The following SUMF1 variants were observed in gnomAD, a reference collection of about 807,000 sequenced individuals.
SUMF1 encodes formylglycine-generating enzyme.
In SUMF1, 48 loss-of-function variants were observed where a neutral mutation model predicts 47.6. The observed-to-expected ratio is 1.01, with a 90% CI of 0.80 to 1.28. The LOEUF (loss-of-function observed/expected upper bound fraction) is 1.28, where lower values mean the gene tolerates loss of function less well. Among genes scored for constraint, SUMF1 ranks in the 50% most tolerant of loss-of-function variants. SUMF1 has a pLI of 0.00. For synonymous variants in SUMF1, 230 were observed against 192.1 expected (o/e 1.20, Z -1.63); for missense variants, 571 against 485.4 (o/e 1.18, Z -1.66).
At chr3:4,246,229 A>G (rs1365533140) in intron 8 of SUMF1, among the ~76,000 whole-genome samples, 2 of 151,832 alleles carry the variant, frequency 1.3e-5, no homozygotes, top group African/African-American at 4.8e-5. Flanking sequence ...GTGAGGTGAC[A>G]CCCCGCCCTG....
intron 8 of SUMF1, among the ~76,000 whole-genome samples, chr3:4,085,583 A>T (rs636955): frequency 2.6e-5 from 4 of 151,978 alleles, no homozygotes; most frequent in Non-Finnish European, 5.9e-5. Flanking sequence ...AGTCAGTCTT[A>T]AAGTATTGAG....
At chr3:4,186,157 C>G (rs899698603) in intron 8 of SUMF1, among the ~76,000 whole-genome samples, 1 of 152,010 alleles carries the variant, frequency 6.6e-6, no homozygotes, top group Non-Finnish European at 1.5e-5. Context: ...TCCTTGGTAC[C>G]AAGACATAAA....
intron 8 of SUMF1, among the ~76,000 whole-genome samples, chr3:4,179,836 C>G (rs943389778): frequency 6.6e-6 from 1 of 152,040 alleles, no homozygotes; most frequent in African/African-American, 2.4e-5. Flanking sequence ...TGAACTCAAA[C>G]AAATTTACAA....
At chr3:4,303,596 C>A (rs1364693538) in intron 8 of SUMF1, 5 of 1,375,694 alleles carry the variant, frequency 3.6e-6, no homozygotes, top group South Asian at 1.7e-5. Flanking sequence ...CAAGCCGCCT[C>A]GCTGGGACGG....
intron 8 of SUMF1, among the ~76,000 whole-genome samples, chr3:4,224,196 G>A (rs905698056): frequency 1.1e-4 from 16 of 152,082 alleles, no homozygotes. Flanking sequence ...GCAGATTGGT[G>A]CAGATAAAGT....
intron 3 of SUMF1, among the ~76,000 whole-genome samples, chr3:4,443,822 A>C (rs1702688335): frequency 6.6e-6 from 1 of 152,184 alleles, no homozygotes; most frequent in Non-Finnish European, 1.5e-5. Flanking sequence ...AGTGATAAAC[A>C]CTGAAAATGG....
chr3:4,143,357 T>C (rs895140649), intron 8 of SUMF1, among the ~76,000 whole-genome samples: 7 of 152,156 alleles, frequency 4.6e-5, no homozygotes, highest in African/African-American at 1.7e-4. Context: ...TTTTCCCAGG[T>C]AACCCTCACT....
At chr3:4,096,857 G>A (rs981607427) in intron 8 of SUMF1, among the ~76,000 whole-genome samples, 3 of 152,064 alleles carry the variant, frequency 2.0e-5, no homozygotes, top group African/African-American at 7.2e-5. Context: ...TTCTAATTGA[G>A]TCCTGTTATG....
At chr3:4,405,291 GTGGA>G (rs766970766) in intron 7 of SUMF1, among the ~76,000 whole-genome samples, 6 of 152,238 alleles carry the variant, frequency 3.9e-5, no homozygotes, top group Non-Finnish European at 7.3e-5. Flanking sequence ...TGTGCTATGT[GTGGA>G]TAGGCAAGAG....
At chr3:4,435,934 G>A (rs1249484838) in intron 3 of SUMF1, among the ~76,000 whole-genome samples, 1 of 152,308 alleles carries the variant, frequency 6.6e-6, no homozygotes, top group South Asian at 2.1e-4. Context: ...TAGGAATGAA[G>A]GAAGAGCAAC....
intron 8 of SUMF1, among the ~76,000 whole-genome samples, chr3:4,122,988 C>T (rs778710811): frequency 2.0e-5 from 3 of 152,182 alleles, no homozygotes; most frequent in Non-Finnish European, 2.9e-5. Context: ...AGGTATTCAG[C>T]ATTTCCTTAG....
At chr3:4,232,424 C>A (rs972281019) in intron 8 of SUMF1, among the ~76,000 whole-genome samples, 2 of 152,070 alleles carry the variant, frequency 1.3e-5, no homozygotes, top group Non-Finnish European at 2.9e-5. Context: ...CAGGGTTCAT[C>A]ACGTCAGTCC....
At chr3:4,459,079 C>T (rs1339925817) in intron 1 of SUMF1, among the ~76,000 whole-genome samples, 1 of 151,958 alleles carries the variant, frequency 6.6e-6, no homozygotes, top group Non-Finnish European at 1.5e-5. Context: ...TCAGACGGTA[C>T]AAAATTTCAG....
At chr3:4,108,681 C>T (rs1036257738) in intron 8 of SUMF1, among the ~76,000 whole-genome samples, 2 of 152,022 alleles carry the variant, frequency 1.3e-5, no homozygotes, top group African/African-American at 4.8e-5. Context: ...TATGTAATGG[C>T]CTTCTTTGTC....
intron 8 of SUMF1, among the ~76,000 whole-genome samples, chr3:4,286,270 T>G (rs1052216461): frequency 1.1e-4 from 17 of 151,966 alleles, no homozygotes; most frequent in Non-Finnish European, 2.2e-4. Context: ...TACTATAAAG[T>G]TAGGGCAAGT....
chr3:4,257,829 G>C (rs569515697), intron 8 of SUMF1, among the ~76,000 whole-genome samples: 1 of 151,742 alleles, frequency 6.6e-6, no homozygotes, highest in East Asian at 1.9e-4. Flanking sequence ...AAAGAACAAA[G>C]CTGGAAGCAT....
intron 1 of SUMF1, among the ~76,000 whole-genome samples, chr3:4,465,252 G>A (rs923841040): frequency 5.9e-5 from 9 of 152,252 alleles, no homozygotes; most frequent in Middle Eastern, 3.4e-3. Context: ...CAAGGCAAGC[G>A]GATCACAAGG....
intron 8 of SUMF1, among the ~76,000 whole-genome samples, chr3:4,169,675 C>T (rs1254496378): frequency 6.6e-6 from 1 of 152,160 alleles, no homozygotes; most frequent in Non-Finnish European, 1.5e-5. Context: ...GTTACCAATA[C>T]CCCGTTTGGG....
intron 3 of SUMF1, among the ~76,000 whole-genome samples, chr3:4,429,127 T>G (rs775786668): frequency 8.5e-5 from 13 of 152,236 alleles, no homozygotes; most frequent in Non-Finnish European, 2.9e-5. Flanking sequence ...CATGTACATT[T>G]TTTGCTTCTG....
Sources: gnomAD v4.1 joint callset for allele counts (sites outside exome capture counted in the v4.1 genomes callset) on GRCh38, gnomAD v4.1.1 for gene constraint, MANE v1.5 for transcripts, NCBI Gene and HGNC (gene_info 2026-07-23, HGNC 2026-07-21) for gene names.